The following SMG6 variants were observed in gnomAD, a reference collection of about 807,000 sequenced individuals.
SMG6 encodes the protein SMG6 nonsense mediated mRNA decay factor, also known as telomerase-binding protein EST1A.
Under a neutral mutation model 142.2 loss-of-function variants are expected in SMG6, and 66 were observed. That is an observed-to-expected ratio of 0.46 (90% confidence interval 0.38 to 0.57). SMG6 has a LOEUF of 0.57. Ranked by LOEUF, SMG6 falls within the 20% of genes least tolerant of loss-of-function variation. The probability of loss-of-function intolerance (pLI) is 0.00; values close to 1 mark genes in which losing one functional copy is unlikely to be tolerated. For synonymous variants in SMG6, 779 were observed against 702.4 expected (o/e 1.11, Z -1.72); for missense variants, 1,793 against 1,832.0 (o/e 0.98, Z 0.39).
intron 8 of SMG6, chr17:2,266,112 CAA>C: frequency 1.8e-5 from 18 of 985,420 alleles, no homozygotes; most frequent in Non-Finnish European, 2.2e-5. Context: ...GCGTGCCACT[CAA>C]AGTCTTTTAC....
At chr17:2,251,467 A>G (rs1291482503) in intron 8 of SMG6, among the ~76,000 whole-genome samples, 1 of 152,096 alleles carries the variant, frequency 6.6e-6, no homozygotes, top group Admixed American at 6.6e-5. Flanking sequence ...ATGACAGCTC[A>G]ATTAGCTTCA....
intron 13 of SMG6, among the ~76,000 whole-genome samples, chr17:2,137,877 A>G (rs1042809658): frequency 2.6e-5 from 4 of 152,226 alleles, no homozygotes; most frequent in African/African-American, 9.6e-5. Context: ...TTGTCTTTAC[A>G]GCAGGAGTGC....
chr17:2,088,456 G>A, intron 13 of SMG6: 1 of 985,402 alleles, frequency 1.0e-6, no homozygotes, highest in South Asian at 4.7e-5. Flanking sequence ...CATTTAGAAG[G>A]AAATTGGTTT....
chr17:2,178,548 C>A (rs1478132779), intron 12 of SMG6, among the ~76,000 whole-genome samples: 1 of 152,268 alleles, frequency 6.6e-6, no homozygotes, highest in African/African-American at 2.4e-5. Context: ...AGAATATAAA[C>A]CTCTCCATGT....
intron 13 of SMG6, among the ~76,000 whole-genome samples, chr17:2,163,275 C>T (rs2071237327): frequency 6.6e-6 from 1 of 152,194 alleles, no homozygotes; most frequent in Admixed American, 6.5e-5. Flanking sequence ...CAGCCTCGAC[C>T]TCCTGGGCTC....
At chr17:2,064,694 A>C (rs576445104) in intron 18 of SMG6, among the ~76,000 whole-genome samples, 40 of 151,694 alleles carry the variant, frequency 2.6e-4, no homozygotes, top group African/African-American at 8.0e-4. Flanking sequence ...CTGCCCTCAG[A>C]GCTGCAGAGG....
intron 13 of SMG6, among the ~76,000 whole-genome samples, chr17:2,113,412 C>G (rs989853546): frequency 6.6e-6 from 1 of 152,166 alleles, no homozygotes; most frequent in Non-Finnish European, 1.5e-5. Flanking sequence ...CATTTGCTTA[C>G]CAATTCCTGA....
At chr17:2,140,038 G>A (rs1448003518) in intron 13 of SMG6, among the ~76,000 whole-genome samples, 1 of 149,112 alleles carries the variant, frequency 6.7e-6, no homozygotes, top group Non-Finnish European at 1.5e-5. Flanking sequence ...GAAACTGCCT[G>A]TTAACTAATT....
intron 15 of SMG6, among the ~76,000 whole-genome samples, chr17:2,070,335 A>C (rs879260225): frequency 6.6e-6 from 1 of 152,200 alleles, no homozygotes; most frequent in Non-Finnish European, 1.5e-5. Context: ...CCCAGACAGC[A>C]TGCTCCCTGA....
In SMG6 at chr17:2,142,474, CTCTG is replaced by C. The variant is rs552638737; in HGVS notation, c.3357+30180_3357+30183del. ...AGCCTGGGCAACACAGTGAGACCCT[CTCTG>C]TCTGTCTGTCTATCTATCTATGAAC... On this transcript the variant is annotated intron_variant, in intron 13 of 18. Coordinates refer to ENST00000263073, the MANE Select transcript of SMG6 (RefSeq NM_017575.5). 1.9e-3 allele frequency among the ~76,000 whole-genome samples: 282 copies of C among 151,656 alleles called. 2 individuals are homozygous for C. The highest frequency in any genetic ancestry group is 6.1e-3 in the African/African-American group (254 of 41,356).
chr17:2,233,533 G>A (rs960715440), intron 10 of SMG6: 1 of 152,286 alleles, frequency 6.6e-6, no homozygotes. Context: ...GAAGGGCACT[G>A]GCTGACGGGA....
At chr17:2,075,841 C>T (rs971562776) in intron 15 of SMG6, among the ~76,000 whole-genome samples, 1 of 152,200 alleles carries the variant, frequency 6.6e-6, no homozygotes, top group African/African-American at 2.4e-5. Context: ...GCGGACTTGG[C>T]GCCCCCAGCA....
intron 13 of SMG6, among the ~76,000 whole-genome samples, chr17:2,105,883 T>C (rs2069143276): frequency 6.6e-6 from 1 of 152,188 alleles, no homozygotes; most frequent in African/African-American, 2.4e-5. Flanking sequence ...CCTCTGAAAG[T>C]TGTCTGCACC....
Position 2,188,451 on chromosome 17 carries a change from C to T in SMG6, c.2934G>A (p.Met978Ile), listed in dbSNP as rs747791510. 4.3e-6 allele frequency: 7 copies of T among 1,614,052 alleles called. No homozygotes were observed. In the East Asian group the frequency reaches 1.6e-4, roughly 36 times the overall value. The change falls in exon 11 of 19, where the codon ATG becomes ATA. Residue 978 changes from methionine to isoleucine, a missense_variant. Met to Ile is a conservative substitution (Grantham distance 10). This residue lies in a region of SMG6 where 1,597 missense variants were observed against 1,584.6 expected (regional missense o/e 1.01). Transcript: ENST00000263073. ...TGCAGCGGCGGACCAGTAGAGAAAA[C>T]ATGGCCAAGCCCAGAGCTGCGGCTT... is the stretch of plus-strand genomic sequence containing the variant. ...QEQAAALGLAMFSLLVRRCTC... is the reference protein window; with the variant it reads ...QEQAAALGLAIFSLLVRRCTC...
At chr17:2,256,206 A>AG (rs141707288) in intron 8 of SMG6, 132 of 151,116 alleles carry the variant, frequency 8.7e-4, no homozygotes, top group East Asian at 1.9e-3. Context: ...ATAAATAAGA[A>AG]GAAAAAAAAA....
intron 13 of SMG6, among the ~76,000 whole-genome samples, chr17:2,121,556 C>T (rs2069690137): frequency 7.3e-6 from 1 of 136,342 alleles, no homozygotes; most frequent in African/African-American, 2.9e-5. Flanking sequence ...TATACACACA[C>T]ACACATATAT....
rs573206669 is a variant in SMG6, at chr17:2,266,077, G to A, written c.2661+16570C>T. On this transcript the variant is annotated intron_variant, in intron 8 of 18. Transcript: ENST00000263073. ...CAGAAATGCCTTTCCCCCCTCTTCA[G>A]GATCTAGTACTTTCTGTTCACCATG... 3.0e-6 allele frequency: 3 copies of A among 985,292 alleles called. No homozygotes were observed. In the South Asian group the frequency reaches 1.4e-4, roughly 46 times the overall value. The allele number at this position is 985,292 out of a possible 1,614,324, so 61.0% of individuals were successfully genotyped here.
At position 2,068,639 on chromosome 17, in the gene SMG6, G is replaced by T; in HGVS notation, c.3835+139C>A. Reference sequence around the variant, plus strand: ...TATTAAACAGTTTTCTTTGCCCCACGCGTTCCCTACTCCCCTGCAAATCCC... The same window carrying T: ...TATTAAACAGTTTTCTTTGCCCCACTCGTTCCCTACTCCCCTGCAAATCCC... On this transcript the variant is annotated intron_variant, in intron 16 of 18. Transcript: ENST00000263073. This position sits in a 1 kb window ranked among gnomAD's most constrained non-coding sequence, Gnocchi z 6.7. The T allele has an allele frequency of 1.3e-6, 1 of 797,012 alleles. No individual in the cohort carries two copies. Among genetic ancestry groups the T allele is most frequent in the Non-Finnish European group, 2.0e-6 (1 of 512,428 alleles). 49.4% of individuals were successfully genotyped at this position (797,012 alleles called of 1,614,324 possible).
intron 13 of SMG6, among the ~76,000 whole-genome samples, chr17:2,130,008 C>T (rs1319552105): frequency 6.6e-6 from 1 of 151,198 alleles, no homozygotes; most frequent in Non-Finnish European, 1.5e-5. Flanking sequence ...ATCTGTAATC[C>T]CAGCACTTTG....
Sources: gnomAD v4.1 joint callset for allele counts (sites outside exome capture counted in the v4.1 genomes callset) on GRCh38, gnomAD v4.1.1 for gene constraint, gnomAD v4.1.1 regional missense constraint, Gnocchi (gnomAD v3.1) non-coding constraint, MANE v1.5 for transcripts, NCBI Gene and HGNC (gene_info 2026-07-23, HGNC 2026-07-21) for gene names.